The following TECPR2 variants were observed in gnomAD, a reference collection of about 807,000 sequenced individuals.
The protein encoded by TECPR2 is tectonin beta-propeller repeat containing 2.
TECPR2 carries 65 observed loss-of-function variants against 138.1 expected under a neutral mutation model. That is an observed-to-expected ratio of 0.47 (90% CI 0.39 to 0.58). The LOEUF (loss-of-function observed/expected upper bound fraction) is 0.58, where lower values mean the gene tolerates loss of function less well. TECPR2 is among the 20% of genes least tolerant of loss of function. The pLI, the probability that TECPR2 is intolerant of heterozygous loss-of-function variation, is 0.00. For synonymous variants in TECPR2, 746 were observed against 749.8 expected (o/e 0.99, Z 0.08); for missense variants, 1,553 against 1,824.5 (o/e 0.85, Z 2.71).
chr14:102,407,340 G>T lies in TECPR2; in HGVS notation c.222G>T (p.Gly74=). 1 of 1,599,992 alleles carries T rather than the reference G, an allele frequency of 6.3e-7. No homozygotes were observed. Among genetic ancestry groups the T allele is most frequent in the Non-Finnish European group, 8.5e-7 (1 of 1,174,726 alleles). The change falls in exon 3 of 20, where the codon GGG becomes GGT. Residue 74 remains glycine, a splice_region_variant and synonymous_variant. Transcript: ENST00000359520. ...ATTTGTTTTCAACGTTTCCCCAGGGGAAGACGGAATCTATCACTGTGGTGA... is the reference window on the plus strand; with the variant it reads ...ATTTGTTTTCAACGTTTCCCCAGGGTAAGACGGAATCTATCACTGTGGTGA... ...LNQMRKYNFE[G]KTESITVVKL...
chr14:102,461,136 A>G (rs1170919650), intron 16 of TECPR2, among the ~76,000 whole-genome samples: 1 of 152,192 alleles, frequency 6.6e-6, no homozygotes, highest in Non-Finnish European at 1.5e-5. Flanking sequence ...GCAGTTGAAT[A>G]TGGAATTTTG....
At chr14:102,373,900 G>C (rs1297053641) in intron 1 of TECPR2, among the ~76,000 whole-genome samples, 3 of 151,688 alleles carry the variant, frequency 2.0e-5, no homozygotes, top group African/African-American at 7.3e-5. Context: ...CCAATATGGG[G>C]AAACCCCCAT....
At chr14:102,480,984 A>G (rs1595146261) in intron 17 of TECPR2, among the ~76,000 whole-genome samples, 1 of 147,916 alleles carries the variant, frequency 6.8e-6, no homozygotes, top group Non-Finnish European at 1.5e-5. Context: ...AGCTGGGAGT[A>G]CAGGCACCCG....
At position 102,450,746 on chromosome 14, in the gene TECPR2, G is replaced by A. The variant is rs569843738; in HGVS notation, c.3406+97G>A. On this transcript the variant is annotated intron_variant, in intron 15 of 19. Transcript: ENST00000359520. ...GGACTGTGGCCTTGTTGGTTATGGG[G>A]CATGCCTCGGAGACTGACCACGTGA... 4.0e-6 allele frequency: 5 copies of A among 1,249,916 alleles called. No individual in the cohort carries two copies. The East Asian group carries it at 9.9e-5, about 25-fold the overall frequency. 77.4% of individuals were successfully genotyped at this position (1,249,916 alleles called of 1,614,324 possible).
At position 102,476,252 on chromosome 14, in the gene TECPR2, C is replaced by T. The variant is rs2139781149; in HGVS notation, c.3789+10963C>T. 2.8e-5 allele frequency among the ~76,000 whole-genome samples: 4 copies of T among 145,156 alleles called. 1 individual carries two copies. The Admixed American group carries it at 2.8e-4, about 10-fold the overall frequency. ...AAAAACAATATCAAAAAACTCCAGG[C>T]TGGGTGTGGTGGCTCGTGCCTGCAA... On this transcript the variant is annotated intron_variant, in intron 17 of 19. Coordinates refer to ENST00000359520, the MANE Select transcript of TECPR2 (RefSeq NM_014844.5).
At chr14:102,448,153 G>T (rs952991997) in intron 13 of TECPR2, among the ~76,000 whole-genome samples, 3 of 151,870 alleles carry the variant, frequency 2.0e-5, no homozygotes, top group Admixed American at 6.6e-5. Flanking sequence ...TAGAGACAGG[G>T]TTTCACCATG....
Position 102,414,778 on chromosome 14 carries a change from C to G in TECPR2, c.623C>G (p.Thr208Arg), listed in dbSNP as rs144870163. ...TEEKSVRQIG[T>R]QPRKSTGKFG... ...GAAAAGTCTGTAAGGCAAATTGGAA[C>G]ACAACCAAGGAAAAGGTAAGTTTCA... Residue 208 changes from threonine to arginine, a missense_variant, in exon 5 of 20, where the codon ACA (threonine) becomes AGA (arginine). Transcript: ENST00000359520. 1.2e-6 allele frequency: 2 copies of G among 1,614,142 alleles called. No individual in the cohort carries two copies. The highest frequency in any genetic ancestry group is 1.7e-4 in the Middle Eastern group (1 of 6,058).
chr14:102,441,058 G>A (rs940225606), intron 11 of TECPR2, among the ~76,000 whole-genome samples: 19 of 151,814 alleles, frequency 1.3e-4, no homozygotes, highest in Non-Finnish European at 8.8e-5. Context: ...GAAAAAAAAA[G>A]AAATAATTTG....
At chr14:102,449,906 A>G in intron 14 of TECPR2, 37 bp downstream of exon 14, 2 of 1,603,164 alleles carry the variant, frequency 1.2e-6, no homozygotes, top group Non-Finnish European at 1.7e-6. Flanking sequence ...CTGGCTTTAT[A>G]GGCAGCCTCA....
intron 16 of TECPR2, among the ~76,000 whole-genome samples, chr14:102,453,333 A>C (rs764614602): frequency 2.6e-5 from 4 of 151,748 alleles, no homozygotes; most frequent in Non-Finnish European, 4.4e-5. Context: ...AAAAAAAATT[A>C]GGTGGGCGTG....
At chr14:102,409,960 A>G (rs1888779237) in intron 4 of TECPR2, among the ~76,000 whole-genome samples, 1 of 151,974 alleles carries the variant, frequency 6.6e-6, no homozygotes. Context: ...ACCTGCCACC[A>G]CGTCTGACTA....
At chr14:102,396,166 G>A (rs567601822) in intron 2 of TECPR2, among the ~76,000 whole-genome samples, 4 of 150,550 alleles carry the variant, frequency 2.7e-5, no homozygotes, top group African/African-American at 4.9e-5. Flanking sequence ...GCAGTGGCGC[G>A]ATCTCAGCTC....
chr14:102,415,978 T>C lies in TECPR2; in HGVS notation c.638+1185T>C, dbSNP rs2403041. 0.38 allele frequency among the ~76,000 whole-genome samples: 58,295 copies of C among 152,092 alleles called. 11,423 individuals are homozygous for C. Among genetic ancestry groups the C allele is most frequent in the Middle Eastern group, 0.52 (153 of 294 alleles). On this transcript the variant is annotated intron_variant, in intron 5 of 19. Coordinates refer to ENST00000359520, the MANE Select transcript of TECPR2 (RefSeq NM_014844.5). This position sits in a 1 kb window ranked among gnomAD's most constrained non-coding sequence, Gnocchi z 4.3. ...AGCCAGCCCCTGTGGTCGTAGTCAC[T>C]GCCCGTTATTCTGTGTTCTGGGCTT...
chr14:102,376,345 T>G (rs1567314238), intron 1 of TECPR2, among the ~76,000 whole-genome samples: 1 of 152,224 alleles, frequency 6.6e-6, no homozygotes, highest in Non-Finnish European at 1.5e-5. Flanking sequence ...GTCTTTTCAC[T>G]ATTTCATCTG....
At chr14:102,487,577 T>C (rs1289684966) in intron 17 of TECPR2, among the ~76,000 whole-genome samples, 2 of 152,170 alleles carry the variant, frequency 1.3e-5, no homozygotes, top group African/African-American at 4.8e-5. Flanking sequence ...AGTCTCGCTC[T>C]CTCCCCCAAG....
chr14:102,376,455 A>G (rs1186677812), intron 1 of TECPR2, among the ~76,000 whole-genome samples, 195 bp from the exon 2 acceptor site: 2 of 152,186 alleles, frequency 1.3e-5, no homozygotes, highest in African/African-American at 2.4e-5. Flanking sequence ...TAAATCATAG[A>G]GGTCAGAACA....
chr14:102,489,543 A>G (rs1391965019), intron 17 of TECPR2, among the ~76,000 whole-genome samples: 3 of 151,892 alleles, frequency 2.0e-5, no homozygotes, highest in Non-Finnish European at 4.4e-5. Flanking sequence ...TGTCTCTACT[A>G]AAAATACAAA....
chr14:102,438,883 A>G (rs1799662912), intron 10 of TECPR2, among the ~76,000 whole-genome samples: 1 of 142,176 alleles, frequency 7.0e-6, no homozygotes, highest in South Asian at 2.2e-4. Flanking sequence ...TTTTTTTGAG[A>G]CAGAGTCTTG....
chr14:102,381,595 G>A (rs1057196365), intron 2 of TECPR2, among the ~76,000 whole-genome samples: 3 of 152,144 alleles, frequency 2.0e-5, no homozygotes, highest in Non-Finnish European at 4.4e-5. Flanking sequence ...GAAGTTCTGA[G>A]AGAATTGTCA....
Sources: allele counts gnomAD v4.1 joint callset (sites outside exome capture counted in the v4.1 genomes callset), GRCh38; gene constraint gnomAD v4.1.1; non-coding constraint Gnocchi (gnomAD v3.1); transcripts MANE v1.5; gene names NCBI Gene and HGNC (gene_info 2026-07-23, HGNC 2026-07-21).